Variants in PPP6R3 observed in about 807,000 individuals in gnomAD.
The protein encoded by PPP6R3 is protein phosphatase 6 regulatory subunit 3, also known as serine/threonine-protein phosphatase 6 regulatory subunit 3.
A neutral mutation model predicts 110.7 loss-of-function variants in PPP6R3; 38 were observed. The observed-to-expected ratio is 0.34, with a 90% confidence interval of 0.26 to 0.45. The LOEUF (loss-of-function observed/expected upper bound fraction) is 0.45. PPP6R3 is among the 20% of genes least tolerant of loss of function. PPP6R3 has a pLI of 1.00. For synonymous variants in PPP6R3, 369 were observed against 373.5 expected (o/e 0.99, Z 0.14); for missense variants, 870 against 1,062.4 (o/e 0.82, Z 2.52).
intron 1 of PPP6R3, among the ~76,000 whole-genome samples, chr11:68,515,340 C>T (rs549652280): frequency 1.3e-5 from 2 of 152,400 alleles, no homozygotes; most frequent in East Asian, 1.9e-4. Context: ...GTAACTCCAT[C>T]CAGAACATCC....
At chr11:68,505,480 A>C (rs1028210645) in intron 1 of PPP6R3, among the ~76,000 whole-genome samples, 1 of 152,032 alleles carries the variant, frequency 6.6e-6, no homozygotes, top group African/African-American at 2.4e-5. Context: ...AAATTGAATT[A>C]TTGTTTTTTA....
chr11:68,567,106 A>AACCAATACCAGCAGT lies in PPP6R3; in HGVS notation c.1070_1084dup (p.Thr357_Ser361dup). 2 of 1,551,504 alleles carry AACCAATACCAGCAGT rather than the reference A, an allele frequency of 1.3e-6. No individual in the cohort carries two copies. The highest frequency in any genetic ancestry group is 1.7e-6 in the Non-Finnish European group (2 of 1,146,894). On this transcript the variant is annotated inframe_insertion, in exon 10 of 24. Transcript: ENST00000393800. The stretch of plus-strand genomic sequence containing the variant: ...TTAGGTTGATATCCAGCCTGCTTCA[A>AACCAATACCAGCAGT]ACCAATACCAGCAGTATAAATGGGG...
chr11:68,590,499 C>T (rs1301355675), intron 16 of PPP6R3, among the ~76,000 whole-genome samples, 161 bp from the exon 17 acceptor site: 1 of 152,184 alleles, frequency 6.6e-6, no homozygotes, highest in Non-Finnish European at 1.5e-5. Context: ...ACCAAGGGAG[C>T]TGGCATCATT....
chr11:68,567,268 T>C, intron 10 of PPP6R3, 102 bp downstream of exon 10: 4 of 1,269,724 alleles, frequency 3.2e-6, no homozygotes, highest in Non-Finnish European at 4.2e-6. Flanking sequence ...TCAGTGACTT[T>C]TCTTGGTCTG....
At chr11:68,592,228 A>G (rs2099597650) in intron 18 of PPP6R3, among the ~76,000 whole-genome samples, 1 of 151,948 alleles carries the variant, frequency 6.6e-6, no homozygotes, top group Admixed American at 6.6e-5. Flanking sequence ...ATCTTGTTAT[A>G]TGAGCATTCA....
intron 19 of PPP6R3, among the ~76,000 whole-genome samples, chr11:68,596,996 A>G (rs1195376916): frequency 6.6e-6 from 1 of 152,220 alleles, no homozygotes; most frequent in African/African-American, 2.4e-5. Flanking sequence ...GGATGGGAGA[A>G]GAAGAGAGAT....
intron 1 of PPP6R3, among the ~76,000 whole-genome samples, chr11:68,471,656 T>G (rs954312102): frequency 6.6e-6 from 1 of 152,156 alleles, no homozygotes; most frequent in East Asian, 1.9e-4. Flanking sequence ...GCCACAGTGA[T>G]GAAGGGATAT....
intron 12 of PPP6R3, among the ~76,000 whole-genome samples, chr11:68,572,888 C>T (rs1453978955): frequency 6.6e-6 from 1 of 151,540 alleles, no homozygotes; most frequent in Non-Finnish European, 1.5e-5. Flanking sequence ...CACCCCCAAG[C>T]CCTCTAAGAT....
Position 68,601,886 on chromosome 11 carries a change from A to G in PPP6R3, c.2216A>G (p.Asn739Ser), listed in dbSNP as rs777309919. 1.2e-6 allele frequency: 2 copies of G among 1,613,496 alleles called. No individual in the cohort carries two copies. Among genetic ancestry groups the G allele is most frequent in the Non-Finnish European group, 1.7e-6 (2 of 1,179,718 alleles). Residue 739 changes from asparagine (N) to serine (S), a missense_variant, in exon 21 of 24, where the codon AAT becomes AGT. Coordinates refer to ENST00000393800, the MANE Select transcript of PPP6R3 (RefSeq NM_001164161.2). ...SLSTKDSLRS[N>S]SPVEMETSTE... is the part of the protein sequence containing the mutation. ...AGCACAAAAGATTCTTTAAGGAGTA[A>G]TTCTCCAGTGGAAATGGAAACCAGC...
At chr11:68,556,912 T>A (rs1337504510) in intron 7 of PPP6R3, among the ~76,000 whole-genome samples, 1 of 152,238 alleles carries the variant, frequency 6.6e-6, no homozygotes, top group Admixed American at 6.5e-5. Flanking sequence ...ATTAGTAGAA[T>A]TCTTTCATGG....
At chr11:68,601,820 C>A in intron 20 of PPP6R3, 43 bp from the exon 21 acceptor site, 3 of 1,502,242 alleles carry the variant, frequency 2.0e-6, no homozygotes, top group Admixed American at 1.7e-5. Flanking sequence ...TAACTGAGGA[C>A]CATTCCCTGC....
At chr11:68,564,746 C>T (rs775120930) in intron 9 of PPP6R3, among the ~76,000 whole-genome samples, 8 of 152,200 alleles carry the variant, frequency 5.3e-5, no homozygotes, top group African/African-American at 1.2e-4. Context: ...GCTAATCTTT[C>T]AGAAACGGAT....
intron 3 of PPP6R3, among the ~76,000 whole-genome samples, chr11:68,542,739 C>T (rs2099326745): frequency 6.6e-6 from 1 of 152,128 alleles, no homozygotes; most frequent in Non-Finnish European, 1.5e-5. Context: ...GGAGAGTAGC[C>T]CCAGCCTGTC....
chr11:68,551,279 A>C lies in PPP6R3; in HGVS notation c.618+93A>C, dbSNP rs961817039. The C allele has an allele frequency of 4.3e-6, 4 of 928,422 alleles. No homozygotes were observed. The African/African-American group carries it at 5.0e-5, about 12-fold the overall frequency. 57.5% of individuals were successfully genotyped at this position (928,422 alleles called of 1,614,324 possible). On this transcript the variant is annotated intron_variant, in intron 6 of 23. Transcript: ENST00000393800. Reference sequence around the variant, plus strand: ...GAGCATACTTATATTAAATGTGAACATGATCAGAGCATACAGGGAGAATAG... The same window carrying C: ...GAGCATACTTATATTAAATGTGAACCTGATCAGAGCATACAGGGAGAATAG...
chr11:68,560,511 G>A (rs979259434), intron 8 of PPP6R3, among the ~76,000 whole-genome samples: 3 of 152,176 alleles, frequency 2.0e-5, no homozygotes, highest in Admixed American at 1.3e-4. Context: ...CACTCAAGAA[G>A]AAATAGGTAG....
chr11:68,603,578 T>C (rs2099638343), intron 22 of PPP6R3, 86 bp downstream of exon 22: 3 of 1,485,972 alleles, frequency 2.0e-6, no homozygotes, highest in Non-Finnish European at 2.8e-6. Context: ...ATTTTTAATT[T>C]GATTCAAATG....
intron 1 of PPP6R3, among the ~76,000 whole-genome samples, chr11:68,470,702 G>T (rs1247110518): frequency 6.6e-6 from 1 of 152,176 alleles, no homozygotes; most frequent in Admixed American, 6.5e-5. Context: ...GGAGTGAGAA[G>T]AGGTTGGCTG....
chr11:68,598,963 A>G (rs546348046), intron 19 of PPP6R3, among the ~76,000 whole-genome samples: 4 of 152,266 alleles, frequency 2.6e-5, no homozygotes, highest in African/African-American at 4.8e-5. Flanking sequence ...TTAAATGCCT[A>G]CTCTGTGCAG....
intron 2 of PPP6R3, among the ~76,000 whole-genome samples, chr11:68,534,898 A>G (rs577983385): frequency 2.9e-4 from 44 of 152,314 alleles, no homozygotes; most frequent in African/African-American, 1.1e-3. Flanking sequence ...CCTCTGGGGA[A>G]TGAATGGAAA....
Sources: gnomAD v4.1 joint callset for allele counts (sites outside exome capture counted in the v4.1 genomes callset) on GRCh38, gnomAD v4.1.1 for gene constraint, MANE v1.5 for transcripts, NCBI Gene and HGNC (gene_info 2026-07-23, HGNC 2026-07-21) for gene names.